ELP4: variants seen among roughly 807,000 people sequenced by gnomAD.
ELP4 encodes elongator complex protein 4.
ELP4 carries 51 observed loss-of-function variants against 48.9 expected under a neutral mutation model. That is an observed-to-expected ratio of 1.04 (90% CI 0.83 to 1.32). The LOEUF (loss-of-function observed/expected upper bound fraction) is 1.32. Ranked by LOEUF, ELP4 falls within the 40% of genes most tolerant of loss-of-function variation. ELP4 has a pLI of 0.00. For synonymous variants in ELP4, 210 were observed against 189.2 expected (o/e 1.11, Z -0.90); for missense variants, 519 against 514.6 (o/e 1.01, Z -0.08).
intron 9 of ELP4, among the ~76,000 whole-genome samples, chr11:31,656,606 A>C (rs1355873605): frequency 6.6e-6 from 1 of 152,022 alleles, no homozygotes; most frequent in Admixed American, 6.6e-5. Context: ...ATTCATAACT[A>C]AGTTACTCAG....
chr11:31,614,942 G>T (rs1414620513), intron 5 of ELP4, among the ~76,000 whole-genome samples: 1 of 152,116 alleles, frequency 6.6e-6, no homozygotes, highest in Non-Finnish European at 1.5e-5. Flanking sequence ...TCGTTTTGCT[G>T]TATAGGATGA....
At chr11:31,539,384 C>T (rs768257217) in intron 2 of ELP4, among the ~76,000 whole-genome samples, 20 of 152,044 alleles carry the variant, frequency 1.3e-4, no homozygotes, top group Non-Finnish European at 1.2e-4. Flanking sequence ...TGAACCCAGG[C>T]AGAGCTTGCA....
chr11:31,685,074 C>T (rs549494261), intron 9 of ELP4, among the ~76,000 whole-genome samples: 14 of 152,058 alleles, frequency 9.2e-5, no homozygotes, highest in African/African-American at 3.1e-4. Flanking sequence ...AAGTTCAGGC[C>T]GGGAGCAGTG....
Position 31,783,711 on chromosome 11 carries a change from A to C in ELP4, c.*187A>C. 1.9e-6 allele frequency: 1 copy of C among 514,270 alleles called. No individual in the cohort carries two copies. Among genetic ancestry groups the C allele is most frequent in the East Asian group, 3.2e-5 (1 of 31,290 alleles). 31.9% of individuals were successfully genotyped at this position (514,270 alleles called of 1,614,324 possible). On this transcript the variant is annotated 3_prime_UTR_variant, in exon 10 of 10. Transcript: ENST00000640961. ...AACTAGCACAGCAGAAATACTTTTAAATTTTTCCTTCATGCTCTAGAGAAA... is the reference window on the plus strand; with the variant it reads ...AACTAGCACAGCAGAAATACTTTTACATTTTTCCTTCATGCTCTAGAGAAA...
chr11:31,566,060 G>T (rs138604578), intron 3 of ELP4, among the ~76,000 whole-genome samples: 1 of 151,986 alleles, frequency 6.6e-6, no homozygotes, highest in Admixed American at 6.6e-5. Context: ...GGCCAGGCAC[G>T]GTGGCTCATG....
At chr11:31,621,925 G>A (rs745529868) in intron 5 of ELP4, among the ~76,000 whole-genome samples, 1 of 151,882 alleles carries the variant, frequency 6.6e-6, no homozygotes. Context: ...TTTAAGTGCC[G>A]TTTGTGTCCC....
At chr11:31,696,642 A>G (rs994933514) in intron 9 of ELP4, among the ~76,000 whole-genome samples, 9 of 152,074 alleles carry the variant, frequency 5.9e-5, no homozygotes, top group African/African-American at 1.9e-4. Flanking sequence ...AATCTGCCCT[A>G]CAAGAGCTTC....
intron 9 of ELP4, among the ~76,000 whole-genome samples, chr11:31,775,613 T>C (rs1948228108): frequency 1.3e-5 from 2 of 152,238 alleles, no homozygotes; most frequent in Admixed American, 1.3e-4. Context: ...GGCAGGCAGA[T>C]TGCTTGAGCC....
intron 5 of ELP4, among the ~76,000 whole-genome samples, chr11:31,620,225 G>GA (rs1944590766): frequency 6.6e-6 from 1 of 152,008 alleles, no homozygotes; most frequent in East Asian, 1.9e-4. Context: ...GGCAAGTGTG[G>GA]AATAGACAGA....
intron 5 of ELP4, among the ~76,000 whole-genome samples, chr11:31,617,729 T>TA (rs67907172): frequency 7.1e-5 from 10 of 140,394 alleles, no homozygotes; most frequent in African/African-American, 2.3e-4. Flanking sequence ...AAAAAAAAGT[T>TA]AAAAAAAAAA....
intron 3 of ELP4, among the ~76,000 whole-genome samples, chr11:31,577,007 G>T (rs1053694896): frequency 1.3e-5 from 2 of 152,086 alleles, no homozygotes; most frequent in African/African-American, 4.8e-5. Context: ...TCCAGGAGCT[G>T]GTTTTTTGAA....
Position 31,786,571 on chromosome 11 carries a change from A to G in ELP4, c.*3047A>G. On this transcript the variant is annotated 3_prime_UTR_variant, in exon 10 of 10. Coordinates refer to ENST00000640961, the MANE Select transcript of ELP4 (RefSeq NM_019040.5). ...AAAATCTTACTAGTATGAGAGGCCCAGAGTAAAAAGAAATAAGCAAAAGAA... is the reference window on the plus strand; with the variant it reads ...AAAATCTTACTAGTATGAGAGGCCCGGAGTAAAAAGAAATAAGCAAAAGAA... 1 of 225,748 alleles carries G rather than the reference A, an allele frequency of 4.4e-6. No homozygotes were observed. The highest frequency in any genetic ancestry group is 2.2e-5 in the African/African-American group (1 of 45,096). The allele number at this position is 225,748 out of a possible 1,614,324, so 14.0% of individuals were successfully genotyped here. A position where few individuals can be genotyped will look rare whatever the true frequency, so the allele number is the denominator to read the frequency against.
intron 9 of ELP4, among the ~76,000 whole-genome samples, chr11:31,746,400 A>G (rs1947591970): frequency 6.6e-6 from 1 of 152,212 alleles, no homozygotes; most frequent in African/African-American, 2.4e-5. Flanking sequence ...ATATACCCAA[A>G]GGATTATAAA....
intron 7 of ELP4, chr11:31,633,157 A>G (rs909544505): frequency 1.3e-5 from 2 of 152,254 alleles, no homozygotes; most frequent in Admixed American, 1.3e-4. Context: ...GAATCTTTAT[A>G]AAGTTATGTA....
rs182874889 is a variant in ELP4, at chr11:31,539,602, G to C, written c.260-60G>C. On this transcript the variant is annotated intron_variant, in intron 2 of 9. Transcript: ENST00000640961. The stretch of plus-strand genomic sequence containing the variant: ...AAACATATGAGTGTGCTTGCTGTTT[G>C]ATAGCCATTTGATTCTTTTCTTGCT... 578 of 1,521,434 alleles carry C rather than the reference G, an allele frequency of 3.8e-4. 1 individual carries two copies. In the African/African-American group the frequency reaches 6.8e-3, roughly 18 times the overall value. 94.2% of individuals were successfully genotyped at this position (1,521,434 alleles called of 1,614,324 possible).
intron 9 of ELP4, among the ~76,000 whole-genome samples, chr11:31,742,528 C>T (rs1947479017): frequency 6.6e-6 from 1 of 152,182 alleles, no homozygotes; most frequent in Non-Finnish European, 1.5e-5. Flanking sequence ...CAAAGGGAAG[C>T]CCATCAGACT....
chr11:31,548,673 GC>G (rs1165047704), intron 3 of ELP4, among the ~76,000 whole-genome samples: 1 of 151,778 alleles, frequency 6.6e-6, no homozygotes, highest in Non-Finnish European at 1.5e-5. Context: ...AGCCCGCATG[GC>G]CAAGTCAATC....
rs528254874 is a variant in ELP4, at chr11:31,530,956, A to G, written c.260-8706A>G. Among the ~76,000 whole-genome samples the G allele has an allele frequency of 3.3e-5, 5 of 152,260 alleles. No individual in the cohort carries two copies. In the South Asian group the frequency reaches 1.0e-3, roughly 32 times the overall value. On this transcript the variant is annotated intron_variant, in intron 2 of 9. Transcript: ENST00000640961. ...GACTGTTAATTCAGACCAAAATTAC[A>G]TTTGCTTTTTGGCAGTTCTGTCACA... is the stretch of plus-strand genomic sequence containing the variant.
Position 31,719,351 on chromosome 11 carries a change from T to A in ELP4, c.1144-64042T>A, listed in dbSNP as rs115836946. ...AAGTATGTGGATGCATGGCATACAG[T>A]GGCAGAGTTTTTGTGGAATGGTTAT... On this transcript the variant is annotated intron_variant, in intron 9 of 9. Transcript: ENST00000640961. 818 of 393,492 alleles carry A rather than the reference T, an allele frequency of 2.1e-3. 4 individuals carry two copies. The highest frequency in any genetic ancestry group is 0.016 in the African/African-American group (765 of 48,590). 24.4% of individuals were successfully genotyped at this position (393,492 alleles called of 1,614,324 possible).
Sources: gnomAD v4.1 joint callset for allele counts (sites outside exome capture counted in the v4.1 genomes callset) on GRCh38, gnomAD v4.1.1 for gene constraint, MANE v1.5 for transcripts, NCBI Gene and HGNC (gene_info 2026-07-23, HGNC 2026-07-21) for gene names.